The following NLGN1 variants were observed in gnomAD, a reference collection of about 807,000 sequenced individuals.
NLGN1 encodes neuroligin 1.
Under a neutral mutation model 65.5 loss-of-function variants are expected in NLGN1, and 12 were observed. That is an observed-to-expected ratio of 0.18 (90% CI 0.12 to 0.30). NLGN1 has a LOEUF of 0.30. Among genes scored for constraint, NLGN1 ranks in the 10% least tolerant of loss-of-function variants. NLGN1 has a pLI of 1.00. For synonymous variants in NLGN1, 350 were observed against 359.5 expected (o/e 0.97, Z 0.30); for missense variants, 750 against 1,007.1 (o/e 0.74, Z 3.46).
At chr3:174,047,324 G>A (rs1733842023) in intron 4 of NLGN1, among the ~76,000 whole-genome samples, 1 of 151,836 alleles carries the variant, frequency 6.6e-6, no homozygotes, top group Admixed American at 6.6e-5. Flanking sequence ...GTAAACCCTA[G>A]GATTACATAT....
chr3:173,990,199 T>C lies in NLGN1; in HGVS notation c.646+182367T>C, dbSNP rs776573762. ...TCTATTGATCAGGCATCTCTGGTGT[T>C]GAGGATCTTCATGTAAAACCAAAGG... is the stretch of plus-strand genomic sequence containing the variant. On this transcript the variant is annotated intron_variant, in intron 4 of 6. Coordinates refer to ENST00000457714, the Ensembl canonical transcript of NLGN1. Among the ~76,000 whole-genome samples the C allele has an allele frequency of 6.3e-4, 96 of 152,186 alleles. 1 individual carries two copies. Among genetic ancestry groups the C allele is most frequent in the Non-Finnish European group, 2.4e-4 (16 of 68,030 alleles).
intron 4 of NLGN1, among the ~76,000 whole-genome samples, chr3:174,066,592 ATC>A (rs1056278615): frequency 3.4e-5 from 3 of 89,268 alleles, no homozygotes; most frequent in African/African-American, 5.0e-5. Flanking sequence ...GTGTGTGTGT[ATC>A]TCATAATTTT....
At chr3:173,592,379 C>A (rs1379215333) in intron 2 of NLGN1, among the ~76,000 whole-genome samples, 1 of 152,162 alleles carries the variant, frequency 6.6e-6, no homozygotes, top group Non-Finnish European at 1.5e-5. Flanking sequence ...GATGCTGTCA[C>A]CTTAATCTTT....
intron 4 of NLGN1, among the ~76,000 whole-genome samples, chr3:173,912,251 T>C (rs1342349202): frequency 2.0e-5 from 3 of 152,150 alleles, no homozygotes; most frequent in Non-Finnish European, 4.4e-5. Context: ...GCCATGGAGA[T>C]AGTCACACTC....
chr3:173,537,660 G>T (rs1422637243), intron 2 of NLGN1, among the ~76,000 whole-genome samples: 1 of 152,158 alleles, frequency 6.6e-6, no homozygotes, highest in Non-Finnish European at 1.5e-5. Context: ...CCTTCAGCAA[G>T]CACCTCAGCT....
chr3:173,636,840 A>C (rs536537486), intron 3 of NLGN1, among the ~76,000 whole-genome samples: 7 of 152,272 alleles, frequency 4.6e-5, no homozygotes, highest in South Asian at 2.1e-4. Context: ...ATAATGAATA[A>C]AATTAGAAAT....
intron 4 of NLGN1, among the ~76,000 whole-genome samples, chr3:173,959,476 T>G (rs959142970): frequency 2.0e-4 from 31 of 152,198 alleles, no homozygotes; most frequent in African/African-American, 7.0e-4. Context: ...GAGAAAGAAA[T>G]AAACCTTTGG....
chr3:174,141,083 T>C (rs1237028921), intron 4 of NLGN1, among the ~76,000 whole-genome samples: 1 of 152,156 alleles, frequency 6.6e-6, no homozygotes, highest in African/African-American at 2.4e-5. Context: ...CTTATAATTG[T>C]TACACTTCAC....
chr3:174,180,064 C>T (rs1730113761), intron 4 of NLGN1, among the ~76,000 whole-genome samples: 3 of 152,206 alleles, frequency 2.0e-5, no homozygotes, highest in Non-Finnish European at 4.4e-5. Context: ...CTGTCAAGCA[C>T]TATTTATGCC....
intron 4 of NLGN1, among the ~76,000 whole-genome samples, chr3:173,917,274 T>G (rs1740932686): frequency 6.6e-6 from 1 of 152,214 alleles, no homozygotes; most frequent in African/African-American, 2.4e-5. Flanking sequence ...CTTTATACTT[T>G]CTCTGGATTG....
intron 4 of NLGN1, among the ~76,000 whole-genome samples, chr3:174,149,722 T>A (rs889348223): frequency 1.3e-5 from 2 of 152,044 alleles, no homozygotes; most frequent in Admixed American, 6.6e-5. Flanking sequence ...TTTGAAGTGA[T>A]TTACAAGATA....
chr3:174,223,605 T>C (rs1739066320), intron 4 of NLGN1, among the ~76,000 whole-genome samples: 1 of 152,204 alleles, frequency 6.6e-6, no homozygotes, highest in Admixed American at 6.5e-5. Context: ...CTGAATGTCT[T>C]TTCCTGACTT....
At chr3:174,182,754 T>G (rs1730689110) in intron 4 of NLGN1, among the ~76,000 whole-genome samples, 1 of 152,190 alleles carries the variant, frequency 6.6e-6, no homozygotes, top group Non-Finnish European at 1.5e-5. Context: ...GAATGGACAC[T>G]GAGAAAATGC....
rs71162377 is a variant in NLGN1, at chr3:174,185,807, C to CAA, written c.647-89500_647-89499dup. Among the ~76,000 whole-genome samples the CAA allele has an allele frequency of 4.5e-3, 679 of 149,418 alleles. 6 individuals carry two copies. Among genetic ancestry groups the CAA allele is most frequent in the East Asian group, 0.036 (185 of 5,112 alleles). On this transcript the variant is annotated intron_variant, in intron 4 of 6. Coordinates refer to ENST00000457714, the Ensembl canonical transcript of NLGN1. ...AAGGTACCCTAAAATAGAAATTAAC[C>CAA]AAAAAAAAACAAAAACAAAAAACCT...
chr3:174,225,909 C>G (rs1211666280), intron 4 of NLGN1, among the ~76,000 whole-genome samples: 1 of 151,798 alleles, frequency 6.6e-6, no homozygotes, highest in Admixed American at 6.6e-5. Flanking sequence ...TTAAACAAGT[C>G]AAGGAAAAAT....
chr3:174,048,483 A>G (rs1223474127), intron 4 of NLGN1, among the ~76,000 whole-genome samples: 1 of 152,078 alleles, frequency 6.6e-6, no homozygotes, highest in Non-Finnish European at 1.5e-5. Context: ...CAGTTTTGCA[A>G]AAACTTTAAG....
chr3:173,936,991 G>A (rs1320580975), intron 4 of NLGN1, among the ~76,000 whole-genome samples: 1 of 151,844 alleles, frequency 6.6e-6, no homozygotes, highest in East Asian at 1.9e-4. Context: ...TTGAACACAG[G>A]GATATATGTA....
intron 4 of NLGN1, among the ~76,000 whole-genome samples, chr3:174,077,538 C>T (rs1560987592): frequency 6.6e-6 from 1 of 151,526 alleles, no homozygotes; most frequent in Non-Finnish European, 1.5e-5. Context: ...TAGCTTCTTT[C>T]TTTCTTTCTT....
Position 174,209,830 on chromosome 3 carries a change from G to A in NLGN1, c.647-65485G>A, listed in dbSNP as rs541499040. On this transcript the variant is annotated intron_variant, in intron 4 of 6. Transcript: ENST00000457714. ...GTATTTGTGGTAGGGACGGGGTTGC[G>A]CCATGTTGGCCAGGCTGGTCTCGAA... Among the ~76,000 whole-genome samples, 5 of 151,504 alleles carry A rather than the reference G, an allele frequency of 3.3e-5. No homozygotes were observed. The South Asian group carries it at 6.2e-4, about 19-fold the overall frequency.
Sources: allele counts gnomAD v4.1 joint callset (sites outside exome capture counted in the v4.1 genomes callset), GRCh38; gene constraint gnomAD v4.1.1; transcripts MANE v1.5; gene names NCBI Gene and HGNC (gene_info 2026-07-23, HGNC 2026-07-21).